Variants in ZMAT4 observed in about 807,000 individuals in gnomAD.
ZMAT4 encodes the protein zinc finger matrin-type 4, also known as zinc finger matrin-type protein 4.
In ZMAT4, 17 loss-of-function variants were observed where a neutral mutation model predicts 28.7. That is an observed-to-expected ratio of 0.59 (90% CI 0.41 to 0.89). The LOEUF is 0.89. ZMAT4 is among the 40% of genes least tolerant of loss of function. The pLI is 0.00. For missense variants in ZMAT4, 240 were observed against 283.8 expected (o/e 0.85, Z 1.11); for synonymous variants, 117 against 109.2 (o/e 1.07, Z -0.44).
At chr8:40,552,340 T>C (rs1803391682) in intron 6 of ZMAT4, among the ~76,000 whole-genome samples, 1 of 152,148 alleles carries the variant, frequency 6.6e-6, no homozygotes, top group South Asian at 2.1e-4. Flanking sequence ...TAGCCCTCCC[T>C]AAACACACGC....
chr8:40,701,970 A>T (rs939257052), intron 3 of ZMAT4, among the ~76,000 whole-genome samples: 1 of 152,188 alleles, frequency 6.6e-6, no homozygotes, highest in Admixed American at 6.5e-5. Context: ...ACCTTTAAGA[A>T]GGCTGAGCCC....
At chr8:40,632,195 A>G (rs1011025295) in intron 5 of ZMAT4, among the ~76,000 whole-genome samples, 1 of 152,228 alleles carries the variant, frequency 6.6e-6, no homozygotes, top group Admixed American at 6.5e-5. Flanking sequence ...AGTTTTACAC[A>G]GCTTGTTTTT....
At chr8:40,601,405 AAAGGAAGG>A (rs1165716784) in intron 5 of ZMAT4, among the ~76,000 whole-genome samples, 1 of 72,240 alleles carries the variant, frequency 1.4e-5, no homozygotes, top group African/African-American at 6.3e-5. Context: ...AGGAGGAAAG[AAAGGAAGG>A]AAGGAAGGAA....
chr8:40,712,718 G>A (rs1320549396), intron 3 of ZMAT4, among the ~76,000 whole-genome samples: 1 of 152,168 alleles, frequency 6.6e-6, no homozygotes, highest in Non-Finnish European at 1.5e-5. Context: ...GTCTCCTAAT[G>A]TTGGGAAACC....
chr8:40,756,457 T>C (rs10527916), intron 3 of ZMAT4, among the ~76,000 whole-genome samples: 35,657 of 113,366 alleles, frequency 0.31, 6,789 homozygotes, highest in Non-Finnish European at 0.38. Context: ...TATATATATA[T>C]ACACACTTGT....
chr8:40,609,481 T>C (rs1805717018), intron 5 of ZMAT4, among the ~76,000 whole-genome samples: 1 of 152,142 alleles, frequency 6.6e-6, no homozygotes, highest in African/African-American at 2.4e-5. Flanking sequence ...GCTGGCAGTA[T>C]GTTTTTCTGG....
chr8:40,827,640 G>C (rs1438108912), intron 1 of ZMAT4, among the ~76,000 whole-genome samples: 1 of 152,338 alleles, frequency 6.6e-6, no homozygotes, highest in African/African-American at 2.4e-5. Context: ...AATAATGCCT[G>C]TGGTTTTTCA....
intron 3 of ZMAT4, among the ~76,000 whole-genome samples, chr8:40,715,161 G>T (rs370556104): frequency 2.2e-4 from 33 of 151,966 alleles, no homozygotes; most frequent in African/African-American, 7.7e-4. Flanking sequence ...AACAGCATTC[G>T]AAGTAGAAGG....
intron 5 of ZMAT4, among the ~76,000 whole-genome samples, chr8:40,630,458 T>C (rs1806533777): frequency 1.3e-5 from 2 of 152,222 alleles, no homozygotes; most frequent in Admixed American, 1.3e-4. Context: ...GAGGTCGCTT[T>C]ACTTTCCTAA....
rs112079644 is a variant in ZMAT4 at position 40,856,849 on chromosome 8, G to T, written c.-4-31169C>A. Reference sequence around the variant, plus strand: ...GGTGGTTTCCAGCATAGACTCCAAAGAGCACAGGAGCCCCGTGGATGAACC... The same window carrying T: ...GGTGGTTTCCAGCATAGACTCCAAATAGCACAGGAGCCCCGTGGATGAACC... On this transcript the variant is annotated intron_variant, in intron 1 of 6. Transcript: ENST00000297737. 4.2e-3 allele frequency among the ~76,000 whole-genome samples: 638 copies of T among 152,272 alleles called. 3 individuals carry two copies. Among genetic ancestry groups the T allele is most frequent in the African/African-American group, 0.015 (622 of 41,550 alleles).
chr8:40,834,748 C>T (rs141656273), intron 1 of ZMAT4, among the ~76,000 whole-genome samples: 17 of 152,326 alleles, frequency 1.1e-4, no homozygotes, highest in African/African-American at 3.8e-4. Flanking sequence ...ACGTGTCATC[C>T]TTCTGGAACA....
chr8:40,655,081 C>G (rs532116124), intron 5 of ZMAT4, among the ~76,000 whole-genome samples: 1 of 151,846 alleles, frequency 6.6e-6, no homozygotes. Flanking sequence ...CACACACACA[C>G]AGCACATAAA....
In ZMAT4 at chr8:40,675,899, G is replaced by T. The variant is rs555598677; in HGVS notation, c.350-968C>A. Among the ~76,000 whole-genome samples, 5 of 152,262 alleles carry T rather than the reference G, an allele frequency of 3.3e-5. No homozygotes were observed. The South Asian group carries it at 1.0e-3, about 32-fold the overall frequency. On this transcript the variant is annotated intron_variant, in intron 4 of 6. Transcript: ENST00000297737. ...GTACTTATCTAAACAGAATAGACAT[G>T]TATCACTATTTTGAGATTGCATTGT...
intron 1 of ZMAT4, among the ~76,000 whole-genome samples, chr8:40,847,614 T>A (rs1160248559): frequency 6.6e-6 from 1 of 152,192 alleles, no homozygotes; most frequent in Non-Finnish European, 1.5e-5. Flanking sequence ...TGAGACCTCA[T>A]TATCATGGCC....
intron 3 of ZMAT4, among the ~76,000 whole-genome samples, chr8:40,731,160 GC>G (rs1811521332): frequency 1.3e-5 from 2 of 152,142 alleles, no homozygotes; most frequent in Non-Finnish European, 2.9e-5. Context: ...TTTGTTGCAA[GC>G]CCCACTTCCC....
intron 5 of ZMAT4, among the ~76,000 whole-genome samples, chr8:40,655,065 C>CACACACACAA (rs1250966720): frequency 6.6e-6 from 1 of 151,764 alleles, no homozygotes; most frequent in Non-Finnish European, 1.5e-5. Flanking sequence ...TACCTACACA[C>CACACACACAA]ACACACACAC....
At chr8:40,601,710 AAAG>A (rs1297375300) in intron 5 of ZMAT4, among the ~76,000 whole-genome samples, 2 of 29,094 alleles carry the variant, frequency 6.9e-5, no homozygotes, top group African/African-American at 1.4e-4. Context: ...GAAAGAAAAG[AAAG>A]AAAGAAAGAA....
At chr8:40,590,739 T>G (rs1804865889) in intron 5 of ZMAT4, among the ~76,000 whole-genome samples, 2 of 129,460 alleles carry the variant, frequency 1.5e-5, no homozygotes, top group African/African-American at 5.3e-5. Context: ...GTGTGAGTCT[T>G]GAGACACGAA....
At chr8:40,715,083 G>C (rs1585926450) in intron 3 of ZMAT4, among the ~76,000 whole-genome samples, 2 of 140,848 alleles carry the variant, frequency 1.4e-5, no homozygotes, top group East Asian at 4.2e-4. Flanking sequence ...AATGTTAAAG[G>C]GGTCCAAGAA....
Sources: allele counts gnomAD v4.1 joint callset (sites outside exome capture counted in the v4.1 genomes callset), GRCh38; gene constraint gnomAD v4.1.1; transcripts MANE v1.5; gene names NCBI Gene and HGNC (gene_info 2026-07-23, HGNC 2026-07-21).